SERPINB2: variants seen among roughly 807,000 people sequenced by gnomAD.
The protein encoded by SERPINB2 is serpin family B member 2.
SERPINB2 carries 28 observed loss-of-function variants against 39.4 expected under a neutral mutation model. The observed-to-expected ratio is 0.71, with a 90% CI of 0.53 to 0.97. SERPINB2 has a LOEUF of 0.97. Among genes scored for constraint, SERPINB2 ranks in the 50% least tolerant of loss-of-function variants. The probability of loss-of-function intolerance (pLI) is 0.00; values close to 1 mark genes in which losing one functional copy is unlikely to be tolerated. For missense variants in SERPINB2, 557 were observed against 505.3 expected (o/e 1.10, Z -0.98); for synonymous variants, 209 against 175.1 (o/e 1.19, Z -1.53).
chr18:63,903,322 T>C lies in SERPINB2; in HGVS notation c.*17T>C. On this transcript the variant is annotated 3_prime_UTR_variant, in exon 8 of 8. Coordinates refer to ENST00000299502, the MANE Select transcript of SERPINB2 (RefSeq NM_002575.3). ...TCACCCTAAAACTAAGCGTGCTGCT[T>C]CTGCAAAAGATTTTTGTAGATGAGC... 1 of 1,474,020 alleles carries C rather than the reference T, an allele frequency of 6.8e-7. No homozygotes were observed. Among genetic ancestry groups the C allele is most frequent in the South Asian group, 1.5e-5 (1 of 66,210 alleles). 91.3% of individuals were successfully genotyped at this position (1,474,020 alleles called of 1,614,324 possible).
chr18:63,898,966 T>G (rs2049976902), intron 5 of SERPINB2, among the ~76,000 whole-genome samples: 1 of 152,194 alleles, frequency 6.6e-6, no homozygotes, highest in African/African-American at 2.4e-5. Flanking sequence ...AAACTGTCAG[T>G]GACCTCCTAC....
intron 5 of SERPINB2, 97 bp downstream of exon 5, chr18:63,897,941 C>T: frequency 1.3e-6 from 1 of 787,038 alleles, no homozygotes; most frequent in Middle Eastern, 2.8e-4. Flanking sequence ...CACCCCTTTA[C>T]AATTTGTCCA....
At chr18:63,902,656 A>G in intron 7 of SERPINB2, 88 bp downstream of exon 7, 2 of 1,316,130 alleles carry the variant, frequency 1.5e-6, no homozygotes, top group Non-Finnish European at 2.1e-6. Context: ...ATGGTGTGGT[A>G]ATTTCTCATG....
At chr18:63,898,485 T>C (rs1283415377) in intron 5 of SERPINB2, among the ~76,000 whole-genome samples, 2 of 152,266 alleles carry the variant, frequency 1.3e-5, no homozygotes, top group Non-Finnish European at 2.9e-5. Context: ...ATTTATTCAT[T>C]GAATTCATTC....
chr18:63,893,286 T>C (rs2049938500), intron 2 of SERPINB2, among the ~76,000 whole-genome samples: 1 of 152,188 alleles, frequency 6.6e-6, no homozygotes, highest in Admixed American at 6.5e-5. Flanking sequence ...TGGGAGCAAA[T>C]GCTAAATGAA....
At chr18:63,898,618 T>A (rs2049974760) in intron 5 of SERPINB2, among the ~76,000 whole-genome samples, 1 of 152,144 alleles carries the variant, frequency 6.6e-6, no homozygotes, top group African/African-American at 2.4e-5. Flanking sequence ...CCATAGAGCC[T>A]ATAGAGGAGG....
intron 2 of SERPINB2, 90 bp from the exon 3 acceptor site, chr18:63,895,174 A>G: frequency 1.3e-6 from 2 of 1,492,542 alleles, no homozygotes; most frequent in Non-Finnish European, 1.8e-6. Context: ...AAGATCTAGG[A>G]CCATTTTAGA....
At chr18:63,900,677 GT>G (rs1325201585) in intron 5 of SERPINB2, among the ~76,000 whole-genome samples, 2 of 152,224 alleles carry the variant, frequency 1.3e-5, no homozygotes, top group Non-Finnish European at 1.5e-5. Context: ...TAACTCCAAG[GT>G]GTTGCCATCA....
At chr18:63,898,300 C>T (rs2144703476) in intron 5 of SERPINB2, among the ~76,000 whole-genome samples, 1 of 152,266 alleles carries the variant, frequency 6.6e-6, no homozygotes, top group South Asian at 2.1e-4. Context: ...AAAGCCAATC[C>T]ATTGTCAAGT....
At chr18:63,893,551 T>C (rs1322887478) in intron 2 of SERPINB2, among the ~76,000 whole-genome samples, 1 of 152,228 alleles carries the variant, frequency 6.6e-6, no homozygotes, top group Non-Finnish European at 1.5e-5. Context: ...AGACATTTAT[T>C]GGCTGGAGAA....
intron 5 of SERPINB2, among the ~76,000 whole-genome samples, chr18:63,900,803 T>TACTTCAAAACC (rs1343462144): frequency 6.6e-6 from 1 of 152,138 alleles, no homozygotes; most frequent in African/African-American, 2.4e-5. Context: ...TCCCACCTCC[T>TACTTCAAAACC]ACTTCAAAAC....
Position 63,902,541 on chromosome 18 carries a change from T to C in SERPINB2, c.816T>C (p.Ile272=). 1 of 1,613,432 alleles carries C rather than the reference T, an allele frequency of 6.2e-7. No individual in the cohort carries two copies. Among genetic ancestry groups the C allele is most frequent in the Non-Finnish European group, 8.5e-7 (1 of 1,179,600 alleles). Reference sequence around the variant, plus strand: ...TGTTCTTGTTGCTTCCAGATGAAATTGCCGATGTGTCCACTGGCTTGGAGC... The same window carrying C: ...TGTTCTTGTTGCTTCCAGATGAAATCGCCGATGTGTCCACTGGCTTGGAGC... ...VSMFLLLPDE[I]ADVSTGLELL... is the part of the protein sequence containing the mutation. The change falls in exon 7 of 8, where the codon ATT becomes ATC. Residue 272 remains isoleucine (I), a synonymous_variant. Coordinates refer to ENST00000299502, the MANE Select transcript of SERPINB2 (RefSeq NM_002575.3).
chr18:63,894,630 G>A (rs1432399292), intron 2 of SERPINB2, among the ~76,000 whole-genome samples: 1 of 152,118 alleles, frequency 6.6e-6, no homozygotes, highest in Non-Finnish European at 1.5e-5. Context: ...GCTTCAGAGG[G>A]GACAGTCCTT....
At chr18:63,888,948 A>C (rs897048304) in intron 1 of SERPINB2, among the ~76,000 whole-genome samples, 1 of 152,238 alleles carries the variant, frequency 6.6e-6, no homozygotes, top group Admixed American at 6.5e-5. Context: ...ATTCAAACAT[A>C]AAGTATGGCC....
chr18:63,888,544 C>G (rs1443085917), intron 1 of SERPINB2, among the ~76,000 whole-genome samples: 1 of 152,102 alleles, frequency 6.6e-6, no homozygotes, highest in Admixed American at 6.5e-5. Context: ...AAAATATTTC[C>G]ACTGTCTAAT....
Position 63,902,917 on chromosome 18 carries a change from C to A in SERPINB2, c.860C>A (p.Thr287Asn). The change falls in exon 8 of 8, where the codon ACC becomes AAC. Residue 287 changes from threonine (T) to asparagine (N), a missense_variant. Transcript: ENST00000299502. The stretch of plus-strand genomic sequence containing the variant: ...GCTTTGCAGCTGGAAAGTGAAATAA[C>A]CTATGACAAACTCAACAAGTGGACC... ...TGLELLESEI[T>N]YDKLNKWTSK... is the part of the protein sequence containing the mutation. 6.2e-7 allele frequency: 1 copy of A among 1,607,150 alleles called. No individual in the cohort carries two copies. Among genetic ancestry groups the A allele is most frequent in the Non-Finnish European group, 8.5e-7 (1 of 1,176,354 alleles).
chr18:63,895,555 C>T (rs2140453), intron 3 of SERPINB2, among the ~76,000 whole-genome samples, 172 bp downstream of exon 3: 40,040 of 151,892 alleles, frequency 0.26, 5,691 homozygotes, highest in East Asian at 0.48. Context: ...ATACCCATAA[C>T]GAGAGACGAG....
intron 1 of SERPINB2, among the ~76,000 whole-genome samples, chr18:63,889,175 T>A (rs1240309645): frequency 6.6e-6 from 1 of 152,210 alleles, no homozygotes; most frequent in Admixed American, 6.5e-5. Flanking sequence ...ACTGGACAGG[T>A]AATTATGCAA....
chr18:63,901,658 T>A (rs1274996855), intron 5 of SERPINB2, 82 bp from the exon 6 acceptor site: 1 of 989,546 alleles, frequency 1.0e-6, no homozygotes, highest in Non-Finnish European at 1.4e-6. Context: ...AAGAATTTAG[T>A]TTGATGGCTA....
Sources: gnomAD v4.1 joint callset for allele counts (sites outside exome capture counted in the v4.1 genomes callset) on GRCh38, gnomAD v4.1.1 for gene constraint, MANE v1.5 for transcripts, NCBI Gene and HGNC (gene_info 2026-07-23, HGNC 2026-07-21) for gene names.